Variants in CASZ1 observed in about 807,000 individuals in gnomAD.
The protein encoded by CASZ1 is castor zinc finger 1, also known as zinc finger protein castor homolog 1.
CASZ1 carries 28 observed loss-of-function variants against 135.2 expected under a neutral mutation model. The observed-to-expected ratio is 0.21, with a 90% CI of 0.15 to 0.28. The LOEUF (loss-of-function observed/expected upper bound fraction) is 0.28. Among genes scored for constraint, CASZ1 ranks in the 10% least tolerant of loss-of-function variants. The pLI, the probability that CASZ1 is intolerant of heterozygous loss-of-function variation, is 1.00. For missense variants in CASZ1, 2,161 were observed against 2,453.3 expected, an observed-to-expected ratio of 0.88 and a Z score of 2.52; for synonymous variants, 1,068 against 1,073.4, an observed-to-expected ratio of 0.99 and a Z score of 0.10.
intron 3 of CASZ1, among the ~76,000 whole-genome samples, chr1:10,702,034 T>C (rs1310325308): frequency 6.6e-6 from 1 of 152,218 alleles, no homozygotes; most frequent in East Asian, 1.9e-4. Flanking sequence ...CACTCAGAGC[T>C]ACTGCCAAAC....
chr1:10,723,260 G>C (rs1331351211), intron 2 of CASZ1, among the ~76,000 whole-genome samples: 4 of 152,172 alleles, frequency 2.6e-5, no homozygotes, highest in Non-Finnish European at 4.4e-5. Context: ...CCTCCCCCTG[G>C]CCTGTCCATC....
At chr1:10,702,193 G>A (rs917617987) in intron 3 of CASZ1, among the ~76,000 whole-genome samples, 1 of 152,142 alleles carries the variant, frequency 6.6e-6, no homozygotes, top group Non-Finnish European at 1.5e-5. Flanking sequence ...CTTGCTCCCC[G>A]CAGGCCAGCC....
chr1:10,650,924 A>AG lies in CASZ1; in HGVS notation c.2816+16dup, dbSNP rs1281761481. On this transcript the variant is annotated intron_variant, in intron 12 of 20. Transcript: ENST00000377022. ...TGTGGTTCCCGGGGCTGGCTCCCAT[A>AG]GGGGGCCTCGCCTCACCTGGGCTCC... 1.2e-6 allele frequency: 2 copies of AG among 1,606,748 alleles called. No individual in the cohort carries two copies. Among genetic ancestry groups the AG allele is most frequent in the Non-Finnish European group, 1.7e-6 (2 of 1,178,152 alleles).
chr1:10,642,344 A>AG (rs1429888426), intron 20 of CASZ1: 2 of 124,682 alleles, frequency 1.6e-5, no homozygotes, highest in African/African-American at 3.7e-5. Context: ...GGAGAAAAGC[A>AG]GAAAAAAAAA....
At chr1:10,737,690 C>T (rs1329943919) in intron 2 of CASZ1, among the ~76,000 whole-genome samples, 1 of 152,248 alleles carries the variant, frequency 6.6e-6, no homozygotes, top group Non-Finnish European at 1.5e-5. Flanking sequence ...CTCCTACTGC[C>T]TGCAGCTACA....
At chr1:10,786,633 A>G (rs893114977) in intron 1 of CASZ1, among the ~76,000 whole-genome samples, 1 of 152,192 alleles carries the variant, frequency 6.6e-6, no homozygotes, top group Non-Finnish European at 1.5e-5. Flanking sequence ...GGTAGGTACT[A>G]TTATGCCCAT....
At chr1:10,661,765 C>T (rs1300454339) in intron 5 of CASZ1, among the ~76,000 whole-genome samples, 1 of 151,094 alleles carries the variant, frequency 6.6e-6, no homozygotes, top group East Asian at 2.0e-4. Flanking sequence ...CTCTCACCCA[C>T]AGTCACATGC....
intron 4 of CASZ1, among the ~76,000 whole-genome samples, chr1:10,667,964 T>G (rs1330004516): frequency 6.6e-6 from 1 of 151,966 alleles, no homozygotes; most frequent in Non-Finnish European, 1.5e-5. Flanking sequence ...CAGGCCCCTT[T>G]GCTCCTGCCG....
At chr1:10,763,752 G>A (rs959736560) in intron 1 of CASZ1, among the ~76,000 whole-genome samples, 1 of 152,210 alleles carries the variant, frequency 6.6e-6, no homozygotes, top group Non-Finnish European at 1.5e-5. Context: ...CTGGGCCACC[G>A]TGGGCAGCGA....
intron 2 of CASZ1, among the ~76,000 whole-genome samples, chr1:10,718,580 A>C (rs951793255): frequency 3.3e-5 from 5 of 152,242 alleles, no homozygotes; most frequent in Admixed American, 1.3e-4. Context: ...CTGCCCTGCC[A>C]GAGGCACATG....
At chr1:10,752,909 T>C (rs1570560473) in intron 2 of CASZ1, among the ~76,000 whole-genome samples, 2 of 151,612 alleles carry the variant, frequency 1.3e-5, no homozygotes, top group African/African-American at 4.9e-5. Context: ...TGGTGGCGGG[T>C]ACCTGTAATC....
chr1:10,773,609 C>A (rs1640612026), intron 1 of CASZ1, among the ~76,000 whole-genome samples: 1 of 152,116 alleles, frequency 6.6e-6, no homozygotes, highest in Non-Finnish European at 1.5e-5. Context: ...AAGGCCTCGG[C>A]CTTCTAGCTT....
chr1:10,645,887 A>G (rs903945170), intron 17 of CASZ1, among the ~76,000 whole-genome samples: 5 of 152,170 alleles, frequency 3.3e-5, no homozygotes, highest in Non-Finnish European at 5.9e-5. Flanking sequence ...GTGGCTGCCC[A>G]GCATTGAGTC....
At position 10,647,594 on chromosome 1, in the gene CASZ1, C is replaced by T. The variant is rs567610612; in HGVS notation, c.3497+207G>A. 64 of 1,430,614 alleles carry T rather than the reference C, an allele frequency of 4.5e-5. No individual in the cohort carries two copies. The African/African-American group carries it at 6.2e-4, about 14-fold the overall frequency. The allele number at this position is 1,430,614 out of a possible 1,614,324, so 88.6% of individuals were successfully genotyped here. ...AGCCACTGCCGCCACCATCGGCCCA[C>T]GCGGGCTGGCCTGCTCTGGGACAGG... On this transcript the variant is annotated intron_variant, in intron 16 of 20. Transcript: ENST00000377022. This position sits in a 1 kb window ranked among gnomAD's most constrained non-coding sequence, Gnocchi z 4.9.
chr1:10,658,064 C>T (rs1274884370), intron 7 of CASZ1: 1 of 163,290 alleles, frequency 6.1e-6, no homozygotes, highest in Non-Finnish European at 1.3e-5. Flanking sequence ...AACTCCTGGC[C>T]TCAAGTGATC....
Position 10,725,070 on chromosome 1 carries a change from G to A in CASZ1, c.-76-19526C>T, listed in dbSNP as rs146674281. ...ACGGAGGGAAGCAGCCCTCGCAGAC[G>A]TGCAGGTGGCTGTTCTTCCCTGGAG... On this transcript the variant is annotated intron_variant, in intron 2 of 20. Transcript: ENST00000377022. This position sits in a 1 kb window ranked among gnomAD's most constrained non-coding sequence, Gnocchi z 4.4. 6.6e-6 allele frequency among the ~76,000 whole-genome samples: 1 copy of A among 152,234 alleles called. No individual in the cohort carries two copies. The highest frequency in any genetic ancestry group is 2.4e-5 in the African/African-American group (1 of 41,460).
At chr1:10,775,808 C>T (rs565030684) in intron 1 of CASZ1, among the ~76,000 whole-genome samples, 14 of 152,284 alleles carry the variant, frequency 9.2e-5, no homozygotes, top group African/African-American at 2.6e-4. Context: ...TCTGTGGCCA[C>T]GTGTGTCTCT....
At position 10,676,648 on chromosome 1, in the gene CASZ1, T is replaced by C. The variant is rs925647804; in HGVS notation, c.17-11077A>G. Among the ~76,000 whole-genome samples, 1 of 152,110 alleles carries C rather than the reference T, an allele frequency of 6.6e-6. No individual in the cohort carries two copies. Among genetic ancestry groups the C allele is most frequent in the African/African-American group, 2.4e-5 (1 of 41,418 alleles). Reference sequence around the variant, plus strand: ...TTCCACAGCAGGCCTCCCTCCACCTTGGTGCCTGCCCTCGACCAGCCTACA... The same window carrying C: ...TTCCACAGCAGGCCTCCCTCCACCTCGGTGCCTGCCCTCGACCAGCCTACA... On this transcript the variant is annotated intron_variant, in intron 4 of 20. Coordinates refer to ENST00000377022, the MANE Select transcript of CASZ1 (RefSeq NM_001079843.3). The surrounding 1 kb of genome is among the most constrained non-coding windows in gnomAD (Gnocchi z 4.5).
chr1:10,639,322 A>T lies in CASZ1; in HGVS notation c.4900T>A (p.Ser1634Thr). The T allele has an allele frequency of 6.9e-7, 1 of 1,454,278 alleles. No homozygotes were observed. The highest frequency in any genetic ancestry group is 9.0e-7 in the Non-Finnish European group (1 of 1,113,128). 90.1% of individuals were successfully genotyped at this position (1,454,278 alleles called of 1,614,324 possible). A position where few individuals can be genotyped will look rare whatever the true frequency, so the allele number is the denominator to read the frequency against. Residue 1634 changes from serine (S) to threonine (T), a missense_variant, in exon 21 of 21, where the codon TCG (serine) becomes ACG (threonine). Around this residue, in one of 7 missense-constraint regions of CASZ1, gnomAD observed 240 missense variants for 321.4 expected, o/e 0.75. Coordinates refer to ENST00000377022, the MANE Select transcript of CASZ1 (RefSeq NM_001079843.3). The surrounding 1 kb of genome is among the most constrained non-coding windows in gnomAD (Gnocchi z 4.0). ...AEPGSLLFLQ[S>T]AAAGLGLALG... ...GCCAGGCCCAGGCCGGCGGCCGCCG[A>T]CTGCAGGAAGAGCAGCGAGCCCGGC...
Sources: gnomAD v4.1 joint callset for allele counts (sites outside exome capture counted in the v4.1 genomes callset) on GRCh38, gnomAD v4.1.1 for gene constraint, gnomAD v4.1.1 regional missense constraint, Gnocchi (gnomAD v3.1) non-coding constraint, MANE v1.5 for transcripts, NCBI Gene and HGNC (gene_info 2026-07-23, HGNC 2026-07-21) for gene names.